Variants in ANKRD6 observed in about 807,000 individuals in gnomAD.
ANKRD6 encodes the protein ankyrin repeat domain-containing protein 6.
ANKRD6 carries 56 observed loss-of-function variants against 82.3 expected under a neutral mutation model. The observed-to-expected ratio is 0.68, with a 90% CI of 0.55 to 0.85. The LOEUF is 0.85. Ranked by LOEUF, ANKRD6 falls within the 40% of genes least tolerant of loss-of-function variation. The pLI is 0.00. For synonymous variants in ANKRD6, 347 were observed against 352.1 expected (o/e 0.99, Z 0.16); for missense variants, 852 against 907.6 (o/e 0.94, Z 0.79).
intron 15 of ANKRD6, 58 bp downstream of exon 15, chr6:89,629,296 A>C (rs1806764920): frequency 2.5e-6 from 4 of 1,605,740 alleles, no homozygotes; most frequent in Non-Finnish European, 3.4e-6. Context: ...CAGCTCTTGT[A>C]CTCTCCTGCA....
At chr6:89,615,843 C>G (rs1230858815) in intron 7 of ANKRD6, among the ~76,000 whole-genome samples, 2 of 152,124 alleles carry the variant, frequency 1.3e-5, no homozygotes. Context: ...TGGAATTGGC[C>G]CACTAAGCTG....
intron 1 of ANKRD6, among the ~76,000 whole-genome samples, chr6:89,449,928 A>C (rs1772603600): frequency 6.6e-6 from 1 of 152,228 alleles, no homozygotes; most frequent in African/African-American, 2.4e-5. Context: ...ATATTACATA[A>C]AATTAGTTGA....
Position 89,630,939 on chromosome 6 carries a change from G to A in ANKRD6, c.2119G>A (p.Glu707Lys), listed in dbSNP as rs375776038. 67 of 1,605,160 alleles carry A rather than the reference G, an allele frequency of 4.2e-5. No homozygotes were observed. The highest frequency in any genetic ancestry group is 4.2e-5 in the Non-Finnish European group (49 of 1,175,734). ...CCAGCAAGATAAGGCTACATTGAAG[G>A]AACACATTAAAAGTTTAGAAGAGGA... Reference protein sequence around the residue: ...KAQQDKATLKEHIKSLEEELA... With the variant: ...KAQQDKATLKKHIKSLEEELA... Residue 707 changes from glutamate to lysine, a missense_variant, in exon 16 of 16, where the codon GAA (glutamate) becomes AAA (lysine). Glu to Lys is a moderately conservative substitution (Grantham distance 56). Coordinates refer to ENST00000339746, the MANE Select transcript of ANKRD6 (RefSeq NM_001242809.2).
intron 1 of ANKRD6, among the ~76,000 whole-genome samples, chr6:89,535,270 G>A (rs1391482715): frequency 1.3e-5 from 2 of 152,180 alleles, no homozygotes; most frequent in Admixed American, 1.3e-4. Context: ...ATGTTTGCAA[G>A]TGGTAAACCT....
At chr6:89,591,016 C>T (rs1794779062) in intron 2 of ANKRD6, among the ~76,000 whole-genome samples, 1 of 152,156 alleles carries the variant, frequency 6.6e-6, no homozygotes, top group African/African-American at 2.4e-5. Flanking sequence ...TCACCAGGGC[C>T]TAGGTTGAGT....
chr6:89,602,757 T>G, intron 3 of ANKRD6: 12 of 419,594 alleles, frequency 2.9e-5, no homozygotes, highest in East Asian at 8.2e-5. Flanking sequence ...CTGACCCTCA[T>G]TTTGAGGTTG....
At chr6:89,604,162 A>T (rs1334620149) in intron 4 of ANKRD6, among the ~76,000 whole-genome samples, 1 of 152,206 alleles carries the variant, frequency 6.6e-6, no homozygotes, top group African/African-American at 2.4e-5. Flanking sequence ...CCCCGTTTCT[A>T]CTAAAAATAC....
At chr6:89,554,101 A>G (rs192456763) in intron 1 of ANKRD6, among the ~76,000 whole-genome samples, 415 of 152,346 alleles carry the variant, frequency 2.7e-3, no homozygotes, top group Non-Finnish European at 4.7e-3. Context: ...TTGAGCATCC[A>G]TTACGTAGAA....
In ANKRD6 at chr6:89,633,098, G is replaced by T. The variant is rs1807719516; in HGVS notation, c.*2094G>T. ...GCAGGCAGCTAATATTGTGAACTGA[G>T]TATTTTTGTCAAAAGTCACAGGGAA... On this transcript the variant is annotated 3_prime_UTR_variant, in exon 16 of 16. Coordinates refer to ENST00000339746, the MANE Select transcript of ANKRD6 (RefSeq NM_001242809.2). The T allele has an allele frequency of 6.6e-6, 1 of 152,278 alleles. No homozygotes were observed. Among genetic ancestry groups the T allele is most frequent in the Non-Finnish European group, 1.5e-5 (1 of 68,022 alleles). The allele number at this position is 152,278 out of a possible 1,614,324, so 9.4% of individuals were successfully genotyped here.
chr6:89,573,813 A>G (rs569627788), intron 2 of ANKRD6, among the ~76,000 whole-genome samples: 2 of 152,210 alleles, frequency 1.3e-5, no homozygotes, highest in Non-Finnish European at 2.9e-5. Context: ...GTTCCTTGCA[A>G]CTGTCTTCTG....
chr6:89,482,771 C>T (rs1776957022), intron 1 of ANKRD6, among the ~76,000 whole-genome samples: 1 of 152,144 alleles, frequency 6.6e-6, no homozygotes, highest in Non-Finnish European at 1.5e-5. Context: ...GATGGTCATA[C>T]CCCTACTCCC....
chr6:89,608,504 C>A (rs182017878), intron 5 of ANKRD6, among the ~76,000 whole-genome samples: 108 of 151,482 alleles, frequency 7.1e-4, no homozygotes, highest in African/African-American at 2.6e-3. Flanking sequence ...TAGAAATATA[C>A]CCCATCAATG....
intron 1 of ANKRD6, among the ~76,000 whole-genome samples, chr6:89,442,193 G>A (rs1403181231): frequency 1.3e-5 from 2 of 151,576 alleles, no homozygotes; most frequent in Non-Finnish European, 2.9e-5. Flanking sequence ...ACGGGGTTTC[G>A]CCATGTTCCC....
intron 13 of ANKRD6, among the ~76,000 whole-genome samples, chr6:89,625,737 CTTTTTTTTTT>C (rs370616881): frequency 7.1e-6 from 1 of 140,172 alleles, no homozygotes; most frequent in African/African-American, 2.7e-5. Flanking sequence ...TTTGTTACAA[CTTTTTTTTTT>C]TTTTTTTTTT....
Position 89,618,018 on chromosome 6 carries a change from C to T in ANKRD6, c.779C>T (p.Thr260Ile). The T allele has an allele frequency of 1.2e-6, 2 of 1,614,066 alleles. No homozygotes were observed. The highest frequency in any genetic ancestry group is 1.7e-6 in the Non-Finnish European group (2 of 1,179,896). ...HNNPEVALLL[T>I]KAPQVLRFSR... ...AACCCGGAAGTTGCTCTTCTCCTTA[C>T]TAAAGCTCCCCAGGTAGGATTTACT... Residue 260 changes from threonine to isoleucine, a missense_variant, in exon 9 of 16, where the codon ACT becomes ATT. Coordinates refer to ENST00000339746, the MANE Select transcript of ANKRD6 (RefSeq NM_001242809.2).
chr6:89,543,181 A>G (rs193032121), intron 1 of ANKRD6, among the ~76,000 whole-genome samples: 3 of 152,300 alleles, frequency 2.0e-5, no homozygotes, highest in Non-Finnish European at 2.9e-5. Context: ...AAAGGAAAAT[A>G]TACTACTTTT....
chr6:89,522,673 A>G (rs1238039567), intron 1 of ANKRD6, among the ~76,000 whole-genome samples: 1 of 152,220 alleles, frequency 6.6e-6, no homozygotes, highest in Non-Finnish European at 1.5e-5. Context: ...AGCAGTTTAC[A>G]CCTGTGGCTT....
Position 89,445,682 on chromosome 6 carries a change from G to A in ANKRD6, c.-144+12307G>A, listed in dbSNP as rs147711384. On this transcript the variant is annotated intron_variant, in intron 1 of 15. Coordinates refer to ENST00000339746, the MANE Select transcript of ANKRD6 (RefSeq NM_001242809.2). ...GATGGTCTCGATCTCCTGACCTTGT[G>A]ATCTGCCCGCCTCGGCCTCCCAAAG... is the stretch of plus-strand genomic sequence containing the variant. Among the ~76,000 whole-genome samples the A allele has an allele frequency of 3.1e-3, 468 of 152,238 alleles. 3 individuals are homozygous for A. Among genetic ancestry groups the A allele is most frequent in the Admixed American group, 5.3e-3 (81 of 15,290 alleles).
In ANKRD6 at chr6:89,493,312, G is replaced by A. The variant is rs551767839; in HGVS notation, c.-144+59937G>A. 2.3e-3 allele frequency among the ~76,000 whole-genome samples: 350 copies of A among 152,180 alleles called. 4 individuals are homozygous for A. Among genetic ancestry groups the A allele is most frequent in the African/African-American group, 7.9e-3 (330 of 41,520 alleles). On this transcript the variant is annotated intron_variant, in intron 1 of 15. Coordinates refer to ENST00000339746, the MANE Select transcript of ANKRD6 (RefSeq NM_001242809.2). The stretch of plus-strand genomic sequence containing the variant: ...GGGGATTGTATGTATTTCTTGGCTT[G>A]AGAAATATGGCTCCAATCTCTGCCT...
Sources: gnomAD v4.1 joint callset for allele counts (sites outside exome capture counted in the v4.1 genomes callset) on GRCh38, gnomAD v4.1.1 for gene constraint, MANE v1.5 for transcripts, NCBI Gene and HGNC (gene_info 2026-07-23, HGNC 2026-07-21) for gene names.